MAML3: variants seen among roughly 807,000 people sequenced by gnomAD.
The protein encoded by MAML3 is mastermind like transcriptional coactivator 3.
MAML3 carries 27 observed loss-of-function variants against 101.9 expected under a neutral mutation model. The observed-to-expected ratio is 0.27, with a 90% confidence interval of 0.20 to 0.37. The LOEUF (loss-of-function observed/expected upper bound fraction) is 0.37. Among genes scored for constraint, MAML3 ranks in the 10% least tolerant of loss-of-function variants. The pLI is 1.00. For synonymous variants in MAML3, 501 were observed against 555.9 expected (o/e 0.90, Z 1.39); for missense variants, 1,316 against 1,444.9 (o/e 0.91, Z 1.45).
chr4:139,757,998 C>T (rs1033817437), intron 2 of MAML3, among the ~76,000 whole-genome samples: 2 of 152,174 alleles, frequency 1.3e-5, no homozygotes, highest in African/African-American at 2.4e-5. Context: ...GTGTCACAAC[C>T]GCATGCCCAT....
intron 1 of MAML3, among the ~76,000 whole-genome samples, chr4:140,004,621 G>A (rs963315413): frequency 1.3e-5 from 2 of 152,132 alleles, no homozygotes; most frequent in Admixed American, 1.3e-4. Flanking sequence ...CTGCGAGTGT[G>A]TGACACAAGA....
At chr4:139,897,009 A>G (rs745620582) in intron 1 of MAML3, among the ~76,000 whole-genome samples, 1 of 152,194 alleles carries the variant, frequency 6.6e-6, no homozygotes, top group African/African-American at 2.4e-5. Context: ...CAGAGTGTCC[A>G]TGACAAAGAG....
intron 2 of MAML3, among the ~76,000 whole-genome samples, chr4:139,817,764 C>T (rs1048375354): frequency 5.3e-5 from 8 of 152,174 alleles, no homozygotes; most frequent in Non-Finnish European, 1.2e-4. Flanking sequence ...AGAATCTTAC[C>T]ACCAACGCTG....
At chr4:139,956,752 C>A (rs150737175) in intron 1 of MAML3, among the ~76,000 whole-genome samples, 1 of 152,116 alleles carries the variant, frequency 6.6e-6, no homozygotes, top group Non-Finnish European at 1.5e-5. Flanking sequence ...TTTCTCCACA[C>A]AGGAAAGGAG....
At chr4:139,946,935 T>A (rs1326215518) in intron 1 of MAML3, among the ~76,000 whole-genome samples, 33 of 147,262 alleles carry the variant, frequency 2.2e-4, no homozygotes, top group South Asian at 2.2e-3. Context: ...ACTCTCTCTC[T>A]CTCTCTCTCT....
intron 1 of MAML3, among the ~76,000 whole-genome samples, chr4:140,103,218 C>T (rs755165683): frequency 1.1e-4 from 17 of 152,072 alleles, no homozygotes; most frequent in Non-Finnish European, 2.5e-4. Context: ...ATTTCAAAGA[C>T]CTTGGAGTGC....
At chr4:139,741,904 T>C (rs576183318) in intron 2 of MAML3, among the ~76,000 whole-genome samples, 1 of 152,344 alleles carries the variant, frequency 6.6e-6, no homozygotes, top group African/African-American at 2.4e-5. Context: ...CCTATTGTCA[T>C]TTCTTCATTT....
intron 1 of MAML3, among the ~76,000 whole-genome samples, chr4:139,944,249 T>C (rs1305984651): frequency 1.3e-5 from 2 of 152,098 alleles, no homozygotes; most frequent in African/African-American, 2.4e-5. Context: ...TACATATGTA[T>C]ACATGTGCCA....
intron 2 of MAML3, among the ~76,000 whole-genome samples, chr4:139,846,101 A>G (rs1224400020): frequency 6.6e-6 from 1 of 152,172 alleles, no homozygotes; most frequent in Non-Finnish European, 1.5e-5. Flanking sequence ...TCGGCTTATG[A>G]GTGGCTTTTT....
At chr4:140,144,588 A>T (rs1729026975) in intron 1 of MAML3, among the ~76,000 whole-genome samples, 1 of 152,084 alleles carries the variant, frequency 6.6e-6, no homozygotes, top group Non-Finnish European at 1.5e-5. Flanking sequence ...TCCTACAGTA[A>T]ATCCATTCAC....
rs148577448 is a variant in MAML3 at position 139,821,339 on chromosome 4, G to A, written c.2079+68018C>T. On this transcript the variant is annotated intron_variant, in intron 2 of 4. Coordinates refer to ENST00000509479, the MANE Select transcript of MAML3 (RefSeq NM_018717.5). ...ACCCCCTAAGCTCCGCCTCCTGTCA[G>A]ATCAGCAGTGGCATTAGATTCTCAT... is the stretch of plus-strand genomic sequence containing the variant. Among the ~76,000 whole-genome samples, 352 of 152,298 alleles carry A rather than the reference G, an allele frequency of 2.3e-3. 1 individual carries two copies. Among genetic ancestry groups the A allele is most frequent in the African/African-American group, 7.7e-3 (320 of 41,560 alleles).
chr4:140,132,082 A>AC (rs1188933363), intron 1 of MAML3, among the ~76,000 whole-genome samples: 1 of 152,258 alleles, frequency 6.6e-6, no homozygotes, highest in African/African-American at 2.4e-5. Flanking sequence ...GCCTACACCC[A>AC]TGCAATCACT....
chr4:140,051,557 CAAAAAA>C lies in MAML3; in HGVS notation c.468+101297_468+101302del, dbSNP rs545993388. Among the ~76,000 whole-genome samples the C allele has an allele frequency of 9.7e-5, 10 of 103,446 alleles. No homozygotes were observed. The South Asian group carries it at 3.0e-3, about 31-fold the overall frequency. 67.9% of individuals were successfully genotyped at this position (103,446 alleles called of 152,430 possible). On this transcript the variant is annotated intron_variant, in intron 1 of 4. Coordinates refer to ENST00000509479, the MANE Select transcript of MAML3 (RefSeq NM_018717.5). ...GAGTGACAGAGATGAGACTCAGTCT[CAAAAAA>C]AAAAAAAAATTAAATTAATGGTTCA...
chr4:140,017,119 C>A (rs1726654670), intron 1 of MAML3, among the ~76,000 whole-genome samples: 1 of 152,100 alleles, frequency 6.6e-6, no homozygotes, highest in South Asian at 2.1e-4. Context: ...AGAAAACATT[C>A]CAATTAGAAT....
At chr4:139,996,342 A>G (rs77138455) in intron 1 of MAML3, among the ~76,000 whole-genome samples, 1 of 152,186 alleles carries the variant, frequency 6.6e-6, no homozygotes, top group Non-Finnish European at 1.5e-5. Context: ...ATCCTATCAA[A>G]TAGTGAGAGT....
At chr4:139,915,352 A>G (rs1578595008) in intron 1 of MAML3, among the ~76,000 whole-genome samples, 1 of 152,176 alleles carries the variant, frequency 6.6e-6, no homozygotes, top group East Asian at 1.9e-4. Flanking sequence ...CCTTCAGTTA[A>G]TTATGTCAGT....
At chr4:139,887,022 A>C (rs1218753321) in intron 2 of MAML3, among the ~76,000 whole-genome samples, 3 of 152,232 alleles carry the variant, frequency 2.0e-5, no homozygotes, top group African/African-American at 7.2e-5. Flanking sequence ...TGATCAACAA[A>C]GAATAAAGTG....
chr4:139,735,989 T>G lies in MAML3; in HGVS notation c.2080-5322A>C, dbSNP rs1340983339. On this transcript the variant is annotated intron_variant, in intron 2 of 4. Transcript: ENST00000509479. The surrounding 1 kb of genome is among the most constrained non-coding windows in gnomAD (Gnocchi z 5.8). ...CCAGGCCCCGCCACATCGTGTGTGT[T>G]AGTGGCTGGGAAGGACACGAGGACA... Among the ~76,000 whole-genome samples, 1 of 152,098 alleles carries G rather than the reference T, an allele frequency of 6.6e-6. No homozygotes were observed. Among genetic ancestry groups the G allele is most frequent in the Non-Finnish European group, 1.5e-5 (1 of 67,992 alleles).
chr4:139,887,110 C>T lies in MAML3; in HGVS notation c.2079+2247G>A, dbSNP rs115476685. On this transcript the variant is annotated intron_variant, in intron 2 of 4. Coordinates refer to ENST00000509479, the MANE Select transcript of MAML3 (RefSeq NM_018717.5). ...TATATTTTATATCGTACCTGTAATT[C>T]GTGCTCGTATTTGTGGAATGTACCC... 9.6e-3 allele frequency among the ~76,000 whole-genome samples: 1,459 copies of T among 152,278 alleles called. 23 individuals are homozygous for T. Among genetic ancestry groups the T allele is most frequent in the African/African-American group, 0.033 (1,379 of 41,560 alleles).
Sources: allele counts gnomAD v4.1 joint callset (sites outside exome capture counted in the v4.1 genomes callset), GRCh38; gene constraint gnomAD v4.1.1; non-coding constraint Gnocchi (gnomAD v3.1); transcripts MANE v1.5; gene names NCBI Gene and HGNC (gene_info 2026-07-23, HGNC 2026-07-21).